Variants in ARFIP1 observed in about 807,000 individuals in gnomAD.
ARFIP1 encodes the protein ARF interacting protein 1.
In ARFIP1, 24 loss-of-function variants were observed where a neutral mutation model predicts 42.5. The ratio of observed to expected loss-of-function variants is 0.57; its 90% CI spans 0.41 to 0.80. The LOEUF (loss-of-function observed/expected upper bound fraction) is 0.80. Ranked by LOEUF, ARFIP1 falls within the 30% of genes least tolerant of loss-of-function variation. The pLI, the probability that ARFIP1 is intolerant of heterozygous loss-of-function variation, is 0.00. For synonymous variants in ARFIP1, 141 were observed against 153.7 expected, an observed-to-expected ratio of 0.92 and a Z score of 0.61; for missense variants, 354 against 434.0, an observed-to-expected ratio of 0.82 and a Z score of 1.64.
intron 2 of ARFIP1, among the ~76,000 whole-genome samples, chr4:152,847,124 C>CTTTTGTTTTTTTTTT (rs1732601555): frequency 2.5e-5 from 1 of 40,582 alleles, no homozygotes; most frequent in African/African-American, 9.6e-5. Flanking sequence ...TAGGTTTGTT[C>CTTTTGTTTTTTTTTT]TTTTTTTTTT....
intron 4 of ARFIP1, 63 bp downstream of exon 4, chr4:152,870,911 C>A: frequency 1.5e-6 from 2 of 1,376,540 alleles, no homozygotes; most frequent in Non-Finnish European, 1.0e-6. Context: ...CTAATTTACT[C>A]AGTTTCATAA....
intron 1 of ARFIP1, among the ~76,000 whole-genome samples, chr4:152,826,016 G>C (rs1730804823): frequency 6.6e-6 from 1 of 151,936 alleles, no homozygotes; most frequent in South Asian, 2.1e-4. Context: ...ATGTTGGCAT[G>C]AATGTGGTGA....
At chr4:152,852,949 T>TA (rs1470627783) in intron 2 of ARFIP1, among the ~76,000 whole-genome samples, 1 of 152,230 alleles carries the variant, frequency 6.6e-6, no homozygotes, top group Non-Finnish European at 1.5e-5. Flanking sequence ...TTTCAGATTT[T>TA]ACACCTGTTT....
chr4:152,827,779 G>A (rs1307381021), intron 1 of ARFIP1, among the ~76,000 whole-genome samples: 1 of 152,082 alleles, frequency 6.6e-6, no homozygotes, highest in Non-Finnish European at 1.5e-5. Context: ...GGGCTCAAAT[G>A]ATCCTCCCAC....
At position 152,910,381 on chromosome 4, in the gene ARFIP1, CTGT is replaced by C; in HGVS notation, c.*164_*166del. 6.3e-6 allele frequency: 5 copies of C among 794,504 alleles called. No homozygotes were observed. In the South Asian group the frequency reaches 8.1e-5, roughly 13 times the overall value. The allele number at this position is 794,504 out of a possible 1,614,324, so 49.2% of individuals were successfully genotyped here. ...CCTTTTTCATACTTTAACAATTGAA[CTGT>C]TAAGGGTGGTTTTAATGTAAACATA... is the stretch of plus-strand genomic sequence containing the variant. On this transcript the variant is annotated 3_prime_UTR_variant, in exon 9 of 9. Transcript: ENST00000353617.
At chr4:152,870,978 A>G in intron 4 of ARFIP1, 130 bp downstream of exon 4, 2 of 603,164 alleles carry the variant, frequency 3.3e-6, no homozygotes, top group Non-Finnish European at 5.5e-6. Flanking sequence ...TGGCTGCCTT[A>G]TTAACAATAA....
intron 1 of ARFIP1, chr4:152,810,112 C>G (rs1240886492): frequency 1.3e-5 from 2 of 152,140 alleles, no homozygotes; most frequent in Non-Finnish European, 2.9e-5. Context: ...TAGATCATCT[C>G]CAAAAAAGTA....
intron 2 of ARFIP1, among the ~76,000 whole-genome samples, chr4:152,840,576 T>A (rs1731977360): frequency 6.6e-6 from 1 of 152,228 alleles, no homozygotes; most frequent in Non-Finnish European, 1.5e-5. Flanking sequence ...CTATCCCTGC[T>A]CGCTTTTTGT....
At chr4:152,869,048 G>A (rs911298107) in intron 3 of ARFIP1, among the ~76,000 whole-genome samples, 4 of 152,034 alleles carry the variant, frequency 2.6e-5, no homozygotes, top group African/African-American at 4.8e-5. Flanking sequence ...CTCTCATTTT[G>A]AAAGTTAACA....
At chr4:152,866,127 C>T (rs1470725831) in intron 3 of ARFIP1, among the ~76,000 whole-genome samples, 1 of 152,088 alleles carries the variant, frequency 6.6e-6, no homozygotes, top group Non-Finnish European at 1.5e-5. Flanking sequence ...TTGCACCGCC[C>T]TTAATCCATT....
intron 1 of ARFIP1, among the ~76,000 whole-genome samples, chr4:152,797,361 A>G (rs1731531153): frequency 6.6e-6 from 1 of 152,082 alleles, no homozygotes; most frequent in Non-Finnish European, 1.5e-5. Flanking sequence ...TTAATTATAG[A>G]TGTTTTTTGG....
At chr4:152,794,502 T>C (rs1385764237) in intron 1 of ARFIP1, among the ~76,000 whole-genome samples, 3 of 152,166 alleles carry the variant, frequency 2.0e-5, no homozygotes, top group Non-Finnish European at 4.4e-5. Flanking sequence ...TTACTACTTA[T>C]GATTACTTGA....
Position 152,880,969 on chromosome 4 carries a change from C to T in ARFIP1, c.418C>T (p.Arg140Ter), listed in dbSNP as rs745573991. ...KWSLNTYKCTRQIISEKLGRG... is the reference protein window; with the variant it reads ...KWSLNTYKCT ...ATGCATCTTCCACTTTTAGTGTACT[C>T]GACAGATTATCTCTGAGAAGCTAGG... Residue 140 changes from arginine to a stop codon, truncating the protein, a stop_gained, in exon 6 of 9, where the codon CGA becomes TGA. Transcript: ENST00000353617. LOFTEE classifies it high-confidence loss of function. 1.2e-5 allele frequency: 19 copies of T among 1,611,668 alleles called. No homozygotes were observed. The highest frequency in any genetic ancestry group is 1.6e-5 in the Non-Finnish European group (19 of 1,178,616).
intron 5 of ARFIP1, among the ~76,000 whole-genome samples, chr4:152,879,195 A>C (rs1035259454): frequency 4.6e-5 from 7 of 152,106 alleles, no homozygotes; most frequent in Non-Finnish European, 7.3e-5. Context: ...AAAAAAAAAA[A>C]AGTTTATAAG....
chr4:152,798,390 A>T (rs1004899890), intron 1 of ARFIP1, among the ~76,000 whole-genome samples: 12 of 152,210 alleles, frequency 7.9e-5, no homozygotes, highest in Admixed American at 6.5e-5. Context: ...ATATTTTATC[A>T]TGTTGAGAAA....
chr4:152,888,070 A>G, intron 7 of ARFIP1, 63 bp from the exon 8 acceptor site: 1 of 1,369,176 alleles, frequency 7.3e-7, no homozygotes, highest in Non-Finnish European at 9.9e-7. Flanking sequence ...CGTATTTCCA[A>G]CCCATTTTTT....
chr4:152,846,394 C>T (rs1732539626), intron 2 of ARFIP1, among the ~76,000 whole-genome samples: 1 of 152,114 alleles, frequency 6.6e-6, no homozygotes, highest in Non-Finnish European at 1.5e-5. Context: ...CACACACACA[C>T]AAAGAGCATA....
chr4:152,823,880 G>A (rs1037080682), intron 1 of ARFIP1, among the ~76,000 whole-genome samples: 1 of 151,612 alleles, frequency 6.6e-6, no homozygotes, highest in Non-Finnish European at 1.5e-5. Flanking sequence ...ATCTTATGGG[G>A]CCAGTATCAC....
At chr4:152,852,896 C>G (rs1733111134) in intron 2 of ARFIP1, among the ~76,000 whole-genome samples, 1 of 152,148 alleles carries the variant, frequency 6.6e-6, no homozygotes, top group Non-Finnish European at 1.5e-5. Flanking sequence ...TGGTTAGGCT[C>G]CTTCTGTTAG....
Sources: gnomAD v4.1 joint callset for allele counts (sites outside exome capture counted in the v4.1 genomes callset) on GRCh38, gnomAD v4.1.1 for gene constraint, MANE v1.5 for transcripts, NCBI Gene and HGNC (gene_info 2026-07-23, HGNC 2026-07-21) for gene names.